The following MTHFD2L variants were observed in gnomAD, a reference collection of about 807,000 sequenced individuals.
The protein encoded by MTHFD2L is methylenetetrahydrofolate dehydrogenase (NADP+ dependent) 2 like, also known as bifunctional methylenetetrahydrofolate dehydrogenase/cyclohydrolase 2, mitochondrial.
In MTHFD2L, 29 loss-of-function variants were observed where a neutral mutation model predicts 34.9. The ratio of observed to expected loss-of-function variants is 0.83; its 90% confidence interval spans 0.62 to 1.13. The LOEUF is 1.13. MTHFD2L is among the 50% of genes most tolerant of loss of function. MTHFD2L has a pLI of 0.00. For missense variants in MTHFD2L, 481 were observed against 446.5 expected (o/e 1.08, Z -0.70); for synonymous variants, 167 against 155.7 (o/e 1.07, Z -0.54).
At chr4:74,131,550 A>G (rs529083470) in intron 1 of MTHFD2L, among the ~76,000 whole-genome samples, 30 of 152,268 alleles carry the variant, frequency 2.0e-4, no homozygotes, top group Non-Finnish European at 3.7e-4. Flanking sequence ...CTGAAACTGG[A>G]CCCCTTCCTC....
At chr4:74,267,311 T>C (rs1321153330) in intron 6 of MTHFD2L, 6 of 800,670 alleles carry the variant, frequency 7.5e-6, no homozygotes, top group Non-Finnish European at 9.1e-6. Context: ...TTTCTTTTCT[T>C]TCTTTCTCTT....
chr4:74,188,580 G>A (rs1030027342), intron 3 of MTHFD2L, among the ~76,000 whole-genome samples: 3 of 151,920 alleles, frequency 2.0e-5, no homozygotes, highest in African/African-American at 4.8e-5. Context: ...GGAGCTGAGG[G>A]GATAGGAAAG....
chr4:74,127,896 C>A (rs1259314387), intron 1 of MTHFD2L, among the ~76,000 whole-genome samples: 1 of 152,110 alleles, frequency 6.6e-6, no homozygotes, highest in East Asian at 1.9e-4. Flanking sequence ...TCTCTCCATC[C>A]TCGCCAGCAT....
chr4:74,239,661 A>G (rs1741411314), intron 6 of MTHFD2L, among the ~76,000 whole-genome samples: 1 of 152,150 alleles, frequency 6.6e-6, no homozygotes, highest in Non-Finnish European at 1.5e-5. Context: ...GGTTGGAACA[A>G]ATTCAAATAA....
At chr4:74,216,981 C>G (rs911405748) in intron 5 of MTHFD2L, among the ~76,000 whole-genome samples, 1 of 151,770 alleles carries the variant, frequency 6.6e-6, no homozygotes, top group African/African-American at 2.4e-5. Flanking sequence ...GACAACATGA[C>G]ACCAGAATAA....
At chr4:74,132,040 A>G (rs1417418101) in intron 1 of MTHFD2L, among the ~76,000 whole-genome samples, 5 of 152,340 alleles carry the variant, frequency 3.3e-5, no homozygotes, top group African/African-American at 1.2e-4. Flanking sequence ...CCACAATGAG[A>G]TACCATCTCA....
At chr4:74,186,213 TAGAAG>T (rs1378312523) in intron 3 of MTHFD2L, among the ~76,000 whole-genome samples, 2 of 151,930 alleles carry the variant, frequency 1.3e-5, no homozygotes, top group African/African-American at 4.8e-5. Flanking sequence ...TAACTAATAA[TAGAAG>T]AGAACTCTTT....
chr4:74,202,585 T>G (rs1303181586), intron 5 of MTHFD2L, among the ~76,000 whole-genome samples: 1 of 152,236 alleles, frequency 6.6e-6, no homozygotes, highest in Non-Finnish European at 1.5e-5. Flanking sequence ...GCACAAGGGT[T>G]ATTCAGCGTA....
intron 6 of MTHFD2L, among the ~76,000 whole-genome samples, chr4:74,225,860 A>G (rs1739070737): frequency 6.6e-6 from 1 of 152,126 alleles, no homozygotes; most frequent in African/African-American, 2.4e-5. Flanking sequence ...TTTAGGGGAA[A>G]AGTTGATGGA....
upstream of MTHFD2L, among the ~76,000 whole-genome samples, chr4:74,124,223 T>C (rs1475555169): frequency 6.6e-6 from 1 of 151,954 alleles, no homozygotes; most frequent in Non-Finnish European, 1.5e-5. Flanking sequence ...AAATAGTGTG[T>C]TTTTAGCATG....
intron 3 of MTHFD2L, chr4:74,180,571 A>G (rs762876994): frequency 1.3e-4 from 27 of 215,180 alleles, no homozygotes; most frequent in Non-Finnish European, 2.2e-4. Flanking sequence ...AATTAAACAG[A>G]ATGTGCAGGG....
upstream of MTHFD2L, among the ~76,000 whole-genome samples, chr4:74,119,544 G>T (rs1721714152): frequency 6.6e-6 from 1 of 152,180 alleles, no homozygotes; most frequent in Non-Finnish European, 1.5e-5. Flanking sequence ...AGGACTTTGG[G>T]AGGCCGAGGC....
chr4:74,145,577 C>T (rs1013257173), intron 1 of MTHFD2L, among the ~76,000 whole-genome samples: 7 of 152,100 alleles, frequency 4.6e-5, no homozygotes, highest in Non-Finnish European at 1.0e-4. Context: ...TACACATGCA[C>T]CTAACAATAT....
chr4:74,197,645 A>G (rs1733715511), intron 3 of MTHFD2L, among the ~76,000 whole-genome samples: 2 of 152,200 alleles, frequency 1.3e-5, no homozygotes, highest in Non-Finnish European at 2.9e-5. Flanking sequence ...ACAAAAAGAT[A>G]TGGATTTAAA....
chr4:74,119,781 T>C (rs1721719970), upstream of MTHFD2L, among the ~76,000 whole-genome samples: 1 of 151,346 alleles, frequency 6.6e-6, no homozygotes, highest in Admixed American at 6.6e-5. Flanking sequence ...AGACTCCATC[T>C]CAAAAAAAAA....
chr4:74,181,466 G>A (rs993976213), intron 3 of MTHFD2L, among the ~76,000 whole-genome samples: 1 of 152,122 alleles, frequency 6.6e-6, no homozygotes, highest in African/African-American at 2.4e-5. Flanking sequence ...AGTAACTGGT[G>A]TGAGTTCACT....
At chr4:74,199,748 A>G in intron 3 of MTHFD2L, 46 bp from the exon 4 acceptor site, 1 of 1,522,422 alleles carries the variant, frequency 6.6e-7, no homozygotes, top group East Asian at 2.4e-5. Flanking sequence ...CAGGCTACCA[A>G]ATAAATAACA....
chr4:74,247,206 G>A (rs954775807), intron 6 of MTHFD2L, among the ~76,000 whole-genome samples: 1 of 151,844 alleles, frequency 6.6e-6, no homozygotes, highest in Non-Finnish European at 1.5e-5. Context: ...TCCCTTGTAA[G>A]TTGGATTCCT....
At chr4:74,127,307 A>T (rs1048058520) in intron 1 of MTHFD2L, among the ~76,000 whole-genome samples, 1 of 152,126 alleles carries the variant, frequency 6.6e-6, no homozygotes, top group African/African-American at 2.4e-5. Flanking sequence ...TGTACAATAG[A>T]TTGACTTACC....
Sources: gnomAD v4.1 joint callset for allele counts (sites outside exome capture counted in the v4.1 genomes callset) on GRCh38, gnomAD v4.1.1 for gene constraint, MANE v1.5 for transcripts, NCBI Gene and HGNC (gene_info 2026-07-23, HGNC 2026-07-21) for gene names.